The following RNF130 variants were observed in gnomAD, a reference collection of about 807,000 sequenced individuals.
RNF130 encodes the protein E3 ubiquitin-protein ligase RNF130.
A neutral mutation model predicts 44.6 loss-of-function variants in RNF130; 21 were observed. That is an observed-to-expected ratio of 0.47 (90% CI 0.33 to 0.68). The LOEUF (loss-of-function observed/expected upper bound fraction) is 0.68. RNF130 is among the 30% of genes least tolerant of loss of function. The pLI is 0.02. For synonymous variants in RNF130, 214 were observed against 210.4 expected (o/e 1.02, Z -0.15); for missense variants, 479 against 560.6 (o/e 0.85, Z 1.47).
chr5:179,972,274 T>A (rs10059710), intron 5 of RNF130, among the ~76,000 whole-genome samples: 1 of 152,092 alleles, frequency 6.6e-6, no homozygotes, highest in African/African-American at 2.4e-5. Flanking sequence ...TTAGATCTGA[T>A]AGAAGTTACA....
intron 1 of RNF130, among the ~76,000 whole-genome samples, chr5:180,045,542 G>A (rs1348660992): frequency 1.3e-5 from 2 of 152,198 alleles, no homozygotes; most frequent in Non-Finnish European, 2.9e-5. Context: ...GCACGTTGCC[G>A]CTGCTGGCTC....
intron 3 of RNF130, among the ~76,000 whole-genome samples, chr5:179,987,498 G>A (rs900893777): frequency 5.9e-5 from 9 of 152,270 alleles, no homozygotes; most frequent in African/African-American, 1.4e-4. Flanking sequence ...TGACTGCTCC[G>A]GCTATGACTT....
At chr5:179,971,352 G>A (rs1762581797) in intron 5 of RNF130, among the ~76,000 whole-genome samples, 1 of 152,126 alleles carries the variant, frequency 6.6e-6, no homozygotes, top group Non-Finnish European at 1.5e-5. Flanking sequence ...TCTGAGTTTG[G>A]GATAAGATAA....
intron 1 of RNF130, among the ~76,000 whole-genome samples, chr5:180,050,639 T>C (rs1764667736): frequency 6.6e-6 from 1 of 152,244 alleles, no homozygotes; most frequent in South Asian, 2.1e-4. Flanking sequence ...CTCCTCCTTA[T>C]TCTACATCCT....
intron 8 of RNF130, among the ~76,000 whole-genome samples, chr5:179,960,362 C>T (rs1036571351): frequency 4.6e-5 from 7 of 152,206 alleles, no homozygotes; most frequent in Non-Finnish European, 1.0e-4. Flanking sequence ...TATAATCAGT[C>T]GCAGTACTAA....
chr5:180,024,571 T>C (rs1224325110), intron 2 of RNF130, among the ~76,000 whole-genome samples: 1 of 152,086 alleles, frequency 6.6e-6, no homozygotes, highest in Non-Finnish European at 1.5e-5. Flanking sequence ...AACACAAAAA[T>C]TTATACCTGT....
Position 180,040,606 on chromosome 5 carries a change from C to A in RNF130, c.289G>T (p.Val97Phe). ...ATCCACTGTTTGATATTAGGAGGGA[C>A]AAAGAACCGGGTTTGTGGATCACAG... is the stretch of plus-strand genomic sequence containing the variant. The part of the protein sequence containing the change: ...LGCDPQTRFF[V>F]PPNIKQWIAL... Residue 97 changes from valine to phenylalanine, a missense_variant, in exon 2 of 9, where the codon GTC becomes TTC. By Grantham distance (50) the Val-to-Phe change is conservative. Around this residue, in one of 3 missense-constraint regions of RNF130, gnomAD observed 180 missense variants for 275.1 expected, o/e 0.65. Transcript: ENST00000521389. The A allele has an allele frequency of 6.2e-7, 1 of 1,614,068 alleles. No individual in the cohort carries two copies. The highest frequency in any genetic ancestry group is 8.5e-7 in the Non-Finnish European group (1 of 1,179,982).
chr5:180,035,206 C>T (rs1169295851), intron 2 of RNF130, among the ~76,000 whole-genome samples: 2 of 152,160 alleles, frequency 1.3e-5, no homozygotes, highest in Non-Finnish European at 2.9e-5. Flanking sequence ...TCCCAGCATC[C>T]TACAAATTCG....
chr5:179,911,788 G>A (rs1266404161), exon 8 of RNF130: 2 of 152,172 alleles, frequency 1.3e-5, no homozygotes, highest in African/African-American at 4.8e-5. Flanking sequence ...GCAGACCAAG[G>A]AGCTGTGCTG....
At chr5:179,946,000 G>C (rs1762032301) in intron 7 of RNF130, among the ~76,000 whole-genome samples, 1 of 152,248 alleles carries the variant, frequency 6.6e-6, no homozygotes, top group South Asian at 2.1e-4. Context: ...AGTGACAGAA[G>C]CATATGACTG....
intron 8 of RNF130, among the ~76,000 whole-genome samples, chr5:179,957,978 C>T (rs1278216948): frequency 3.3e-5 from 5 of 150,918 alleles, no homozygotes; most frequent in African/African-American, 9.7e-5. Flanking sequence ...CCCGGGTTCA[C>T]GCCATTCTCC....
chr5:180,064,663 A>G (rs1765060231), intron 1 of RNF130, among the ~76,000 whole-genome samples: 1 of 152,208 alleles, frequency 6.6e-6, no homozygotes, highest in African/African-American at 2.4e-5. Flanking sequence ...GCAACTAGAA[A>G]CTATCTCTTG....
chr5:180,040,416 A>G, intron 2 of RNF130, 37 bp downstream of exon 2: 1 of 1,582,486 alleles, frequency 6.3e-7, no homozygotes, highest in Non-Finnish European at 8.6e-7. Flanking sequence ...GATTTCTAAG[A>G]AGAAAAACAA....
At chr5:179,955,958 T>C (rs964492862) in intron 8 of RNF130, 1 of 318,094 alleles carries the variant, frequency 3.1e-6, no homozygotes, top group African/African-American at 2.1e-5. Flanking sequence ...TCATACAATT[T>C]ACAATTTTTC....
At chr5:179,946,736 A>T in intron 7 of RNF130, among the ~76,000 whole-genome samples, 1 of 151,952 alleles carries the variant, frequency 6.6e-6, no homozygotes, top group Non-Finnish European at 1.5e-5. Flanking sequence ...TTGTATTTTT[A>T]GTAGAGACGG....
chr5:179,964,810 T>C (rs1269250242), intron 7 of RNF130, among the ~76,000 whole-genome samples: 2 of 152,232 alleles, frequency 1.3e-5, no homozygotes, highest in African/African-American at 4.8e-5. Flanking sequence ...AGTAAACCCC[T>C]ATCTTTTAGA....
exon 8 of RNF130, chr5:179,920,378 T>A: frequency 1.4e-6 from 1 of 702,482 alleles, no homozygotes; most frequent in Non-Finnish European, 2.6e-6. Flanking sequence ...TTCACTTTCA[T>A]ACACCAGACT....
intron 2 of RNF130, among the ~76,000 whole-genome samples, chr5:180,014,815 G>A (rs1241022783): frequency 6.6e-6 from 1 of 152,052 alleles, no homozygotes; most frequent in African/African-American, 2.4e-5. Flanking sequence ...GTGAAACCCT[G>A]TCTCTCACAA....
chr5:179,928,830 C>T (rs1466656812), intron 7 of RNF130, among the ~76,000 whole-genome samples: 6 of 152,140 alleles, frequency 3.9e-5, no homozygotes, highest in Non-Finnish European at 1.5e-5. Context: ...GGGTTTCAAC[C>T]GTGTTAGCCA....
Sources: allele counts gnomAD v4.1 joint callset (sites outside exome capture counted in the v4.1 genomes callset), GRCh38; gene constraint gnomAD v4.1.1; regional missense constraint gnomAD v4.1.1; transcripts MANE v1.5; gene names NCBI Gene and HGNC (gene_info 2026-07-23, HGNC 2026-07-21).